Variants in KCNMA1 observed in about 807,000 individuals in gnomAD.
KCNMA1 encodes potassium calcium-activated channel subfamily M alpha 1.
A neutral mutation model predicts 140.0 loss-of-function variants in KCNMA1; 29 were observed. The ratio of observed to expected loss-of-function variants is 0.21; its 90% CI spans 0.15 to 0.28. KCNMA1 has a LOEUF of 0.28. Ranked by LOEUF, KCNMA1 falls within the 10% of genes least tolerant of loss-of-function variation. The pLI is 1.00. For synonymous variants in KCNMA1, 612 were observed against 611.9 expected, an observed-to-expected ratio of 1.00 and a Z score of 0.00; for missense variants, 880 against 1,602.2, an observed-to-expected ratio of 0.55 and a Z score of 7.70.
At chr10:77,433,544 G>A (rs1225729521) in intron 1 of KCNMA1, 2 of 152,152 alleles carry the variant, frequency 1.3e-5, no homozygotes, top group African/African-American at 4.8e-5. Context: ...CTTCCCAAAG[G>A]AATACTTTAT....
chr10:77,468,697 A>C (rs1210849112), intron 1 of KCNMA1, among the ~76,000 whole-genome samples: 1 of 152,148 alleles, frequency 6.6e-6, no homozygotes, highest in Non-Finnish European at 1.5e-5. Flanking sequence ...AAGAAAATTA[A>C]TTTCTGTTGT....
intron 5 of KCNMA1, among the ~76,000 whole-genome samples, chr10:77,163,009 G>C (rs1319275751): frequency 1.3e-5 from 2 of 152,142 alleles, no homozygotes; most frequent in African/African-American, 4.8e-5. Context: ...GTCTGCTACA[G>C]AGCCTGACAT....
intron 1 of KCNMA1, among the ~76,000 whole-genome samples, chr10:77,566,587 C>T (rs913322190): frequency 6.6e-6 from 1 of 152,162 alleles, no homozygotes; most frequent in African/African-American, 2.4e-5. Flanking sequence ...CAAAGGTGGG[C>T]ACTACTCAGG....
At chr10:77,351,605 C>T (rs550309244) in intron 2 of KCNMA1, among the ~76,000 whole-genome samples, 71 of 152,304 alleles carry the variant, frequency 4.7e-4, no homozygotes, top group Non-Finnish European at 9.6e-4. Context: ...ATGTTATCCT[C>T]TGTTTTTCCT....
At chr10:76,956,850 T>C (rs1221224595) in intron 20 of KCNMA1, among the ~76,000 whole-genome samples, 3 of 151,900 alleles carry the variant, frequency 2.0e-5, no homozygotes, top group East Asian at 1.9e-4. Context: ...GGGCCGGGCG[T>C]GGTGGCTCAG....
At chr10:77,087,853 TGAC>T (rs1196076544) in intron 10 of KCNMA1, among the ~76,000 whole-genome samples, 1 of 152,102 alleles carries the variant, frequency 6.6e-6, no homozygotes, top group African/African-American at 2.4e-5. Flanking sequence ...AAGTCCATAA[TGAC>T]AATAATAATA....
At chr10:77,376,602 T>A in intron 2 of KCNMA1, 1 of 99,512 alleles carries the variant, frequency 1.0e-5, no homozygotes, top group East Asian at 4.1e-4. Context: ...ATAATTATTT[T>A]ATCAACTGCC....
chr10:77,131,900 G>A (rs1293046325), intron 5 of KCNMA1, among the ~76,000 whole-genome samples: 1 of 151,140 alleles, frequency 6.6e-6, no homozygotes, highest in African/African-American at 2.4e-5. Context: ...GGGAGGCAGG[G>A]GTTGCAGTGA....
chr10:77,155,338 CTG>C (rs2098470676), intron 5 of KCNMA1, among the ~76,000 whole-genome samples: 1 of 152,208 alleles, frequency 6.6e-6, no homozygotes. Context: ...TCAGATACCT[CTG>C]TAATCATTTT....
chr10:77,176,665 G>A lies in KCNMA1; in HGVS notation c.808+6756C>T, dbSNP rs565837309. ...TCTGAACAGGGGCCCGGATCCCAGC[G>A]CACCCTCTTCTGGGCTCTGACTTTG... On this transcript the variant is annotated intron_variant, in intron 5 of 27. Transcript: ENST00000286628. Among the ~76,000 whole-genome samples, 156 of 152,196 alleles carry A rather than the reference G, an allele frequency of 1.0e-3. 2 individuals are homozygous for A. The highest frequency in any genetic ancestry group is 3.5e-3 in the African/African-American group (146 of 41,526).
At chr10:77,513,299 A>G (rs922489881) in intron 1 of KCNMA1, among the ~76,000 whole-genome samples, 1 of 152,262 alleles carries the variant, frequency 6.6e-6, no homozygotes, top group African/African-American at 2.4e-5. Flanking sequence ...CTGAGTTCAA[A>G]TGTCTTCTCC....
chr10:77,489,421 T>C (rs191677832), intron 1 of KCNMA1, among the ~76,000 whole-genome samples: 2 of 152,166 alleles, frequency 1.3e-5, no homozygotes, highest in Admixed American at 1.3e-4. Context: ...CTGCAACCTC[T>C]GCCTCCCAGG....
Position 76,940,816 on chromosome 10 carries a change from C to T in KCNMA1, c.2902+3957G>A, listed in dbSNP as rs1241339509. On this transcript the variant is annotated intron_variant, in intron 23 of 27. Transcript: ENST00000286628. The stretch of plus-strand genomic sequence containing the variant: ...TCTCTACTAAAAATACAAAAATTAG[C>T]CGGGTGTGGCAGCACGCACCTGTAA... Among the ~76,000 whole-genome samples, 6 of 151,496 alleles carry T rather than the reference C, an allele frequency of 4.0e-5. No homozygotes were observed. In the East Asian group the frequency reaches 1.2e-3, roughly 30 times the overall value.
chr10:77,238,048 C>T (rs924091053), intron 3 of KCNMA1, among the ~76,000 whole-genome samples: 4 of 152,164 alleles, frequency 2.6e-5, no homozygotes, highest in Admixed American at 1.3e-4. Context: ...CTGTCACAGT[C>T]GGCTGGCTTG....
intron 2 of KCNMA1, among the ~76,000 whole-genome samples, chr10:77,395,333 G>C (rs564921340): frequency 1.7e-3 from 260 of 152,194 alleles, no homozygotes; most frequent in African/African-American, 5.9e-3. Context: ...CTGAGCAATA[G>C]AGTGAAACCT....
intron 3 of KCNMA1, among the ~76,000 whole-genome samples, chr10:77,186,884 G>A (rs1055889096): frequency 3.9e-5 from 6 of 151,938 alleles, no homozygotes; most frequent in African/African-American, 9.7e-5. Context: ...GCTCACTTGT[G>A]CCAGCGGGGA....
intron 20 of KCNMA1, among the ~76,000 whole-genome samples, chr10:76,969,590 C>G (rs1438467342): frequency 3.3e-5 from 5 of 152,190 alleles, no homozygotes; most frequent in Non-Finnish European, 7.3e-5. Context: ...CTCGGAGGGA[C>G]TCCAGCAGAA....
intron 22 of KCNMA1, among the ~76,000 whole-genome samples, chr10:76,947,852 C>T (rs2152925177): frequency 6.6e-6 from 1 of 152,248 alleles, no homozygotes; most frequent in South Asian, 2.1e-4. Flanking sequence ...CTTGTGTGTT[C>T]TTTAATGAAT....
rs772878572 is a variant in KCNMA1 at position 77,082,002 on chromosome 10, C to CTTTTTTTTTTTTTTTTT, written c.1524-2453_1524-2452insAAAAAAAAAAAAAAAAA. On this transcript the variant is annotated intron_variant, in intron 12 of 27. Coordinates refer to ENST00000286628, the MANE Select transcript of KCNMA1 (RefSeq NM_001161352.2). ...CCTTTGACCAGTAATTTCTTTTTTT[C>CTTTTTTTTTTTTTTTTT]TTTTCTTTTTTTTTTTTTTTTTTTT... Among the ~76,000 whole-genome samples, 42 of 51,646 alleles carry CTTTTTTTTTTTTTTTTT rather than the reference C, an allele frequency of 8.1e-4. 6 individuals carry two copies. Among genetic ancestry groups the CTTTTTTTTTTTTTTTTT allele is most frequent in the South Asian group, 2.6e-3 (4 of 1,540 alleles). 33.9% of individuals were successfully genotyped at this position (51,646 alleles called of 152,430 possible). A position where few individuals can be genotyped will look rare whatever the true frequency, so the allele number is the denominator to read the frequency against.
Sources: gnomAD v4.1 joint callset for allele counts (sites outside exome capture counted in the v4.1 genomes callset) on GRCh38, gnomAD v4.1.1 for gene constraint, MANE v1.5 for transcripts, NCBI Gene and HGNC (gene_info 2026-07-23, HGNC 2026-07-21) for gene names.